The following DFFA variants were observed in gnomAD, a reference collection of about 807,000 sequenced individuals.
DFFA encodes the protein DNA fragmentation factor subunit alpha.
Under a neutral mutation model 28.0 loss-of-function variants are expected in DFFA, and 14 were observed. The observed-to-expected ratio is 0.50, with a 90% CI of 0.33 to 0.78. The LOEUF (loss-of-function observed/expected upper bound fraction) is 0.78. Ranked by LOEUF, DFFA falls within the 30% of genes least tolerant of loss-of-function variation. The probability of loss-of-function intolerance (pLI) is 0.02; values close to 1 mark genes in which losing one functional copy is unlikely to be tolerated. For synonymous variants in DFFA, 158 were observed against 170.3 expected, an observed-to-expected ratio of 0.93 and a Z score of 0.56; for missense variants, 395 against 407.1, an observed-to-expected ratio of 0.97 and a Z score of 0.26.
At chr1:10,462,143 C>A (rs1286000641) in intron 5 of DFFA, among the ~76,000 whole-genome samples, 2 of 152,160 alleles carry the variant, frequency 1.3e-5, no homozygotes, top group Non-Finnish European at 2.9e-5. Flanking sequence ...CAGGCGTGAG[C>A]CACCGCGCCC....
chr1:10,457,887 CTG>C lies in DFFA; in HGVS notation c.*3601_*3602del, dbSNP rs55801511. 133,097 of 151,816 alleles carry C rather than the reference CTG, an allele frequency of 0.88. 58,659 individuals carry two copies. Among genetic ancestry groups the C allele is most frequent in the Middle Eastern group, 0.96 (283 of 294 alleles). 9.4% of individuals were successfully genotyped at this position (151,816 alleles called of 1,614,324 possible). A position where few individuals can be genotyped will look rare whatever the true frequency, so the allele number is the denominator to read the frequency against. On this transcript the variant is annotated 3_prime_UTR_variant, in exon 6 of 6. Transcript: ENST00000377038. The stretch of plus-strand genomic sequence containing the variant: ...ACGCCCAGACGAGTCAACGAACGCT[CTG>C]TGTGTCTAACAGAAATAAAATATTC...
rs755542987 is a variant in DFFA, at chr1:10,472,504, C to T, written c.-46G>A. The T allele has an allele frequency of 1.3e-6, 2 of 1,548,730 alleles. No individual in the cohort carries two copies. Among genetic ancestry groups the T allele is most frequent in the East Asian group, 4.9e-5 (2 of 41,152 alleles). The stretch of plus-strand genomic sequence containing the variant: ...CCCACCTTCGAGAAGTCGCGGGAGG[C>T]CGGAGCGGCGGTCCTTCTACTCGAC... On this transcript the variant is annotated 5_prime_UTR_variant, in exon 1 of 6. Coordinates refer to ENST00000377038, the MANE Select transcript of DFFA (RefSeq NM_004401.3). This position sits in a 1 kb window ranked among gnomAD's most constrained non-coding sequence, Gnocchi z 5.0.
chr1:10,469,425 A>C, intron 1 of DFFA, 87 bp from the exon 2 acceptor site: 1 of 1,204,024 alleles, frequency 8.3e-7, no homozygotes, highest in East Asian at 2.5e-5. Context: ...ATGGCTCCAG[A>C]GCTGAGCAGA....
At chr1:10,463,328 C>G in intron 4 of DFFA, 103 bp downstream of exon 4, 2 of 1,544,430 alleles carry the variant, frequency 1.3e-6, no homozygotes, top group Non-Finnish European at 1.8e-6. Flanking sequence ...TCCCAGCAGC[C>G]GCGGCTTCAG....
chr1:10,467,302 G>A lies in DFFA; in HGVS notation c.329C>T (p.Ser110Phe). 1 of 1,614,100 alleles carries A rather than the reference G, an allele frequency of 6.2e-7. No homozygotes were observed. Among genetic ancestry groups the A allele is most frequent in the Non-Finnish European group, 8.5e-7 (1 of 1,180,018 alleles). Residue 110 changes from serine (S) to phenylalanine (F), a missense_variant, in exon 3 of 6, where the codon TCC (serine) becomes TTC (phenylalanine). Physicochemically the swap from Ser to Phe is radical, Grantham distance 155 (BLOSUM62 -2). Coordinates refer to ENST00000377038, the MANE Select transcript of DFFA (RefSeq NM_004401.3). ...DGGTAWISQE[S>F]FDVDETDSGA... ...GCTGTCTGTTTCATCTACATCAAAG[G>A]ACTCTTGGGAAATCCAAGCTGTACC...
chr1:10,469,095 T>C, intron 2 of DFFA, 82 bp downstream of exon 2: 1 of 1,394,942 alleles, frequency 7.2e-7, no homozygotes, highest in Non-Finnish European at 9.9e-7. Context: ...GCCAGACAAA[T>C]GGCAATTGTC....
chr1:10,472,280 G>A lies in DFFA; in HGVS notation c.136+43C>T. The A allele has an allele frequency of 1.3e-6, 2 of 1,513,648 alleles. No individual in the cohort carries two copies. The highest frequency in any genetic ancestry group is 1.3e-5 in the South Asian group (1 of 79,550). The allele number at this position is 1,513,648 out of a possible 1,614,324, so 93.8% of individuals were successfully genotyped here. ...TCGCCCCCGCCGGACGTCCTCACCC[G>A]GCCCTGGCTCCCCCACACCCTCGCC... On this transcript the variant is annotated intron_variant, in intron 1 of 5. Coordinates refer to ENST00000377038, the MANE Select transcript of DFFA (RefSeq NM_004401.3). This position sits in a 1 kb window ranked among gnomAD's most constrained non-coding sequence, Gnocchi z 5.0.
At chr1:10,463,027 CTG>C in intron 5 of DFFA, 29 bp downstream of exon 5, 1 of 1,613,982 alleles carries the variant, frequency 6.2e-7, no homozygotes, top group Middle Eastern at 1.7e-4. Context: ...ATGTCCTCCT[CTG>C]TAGCTCAGTG....
chr1:10,458,954 G>C lies in DFFA; in HGVS notation c.*2536C>G, dbSNP rs1007479466. The C allele has an allele frequency of 1.3e-5, 2 of 152,122 alleles. No individual in the cohort carries two copies. Among genetic ancestry groups the C allele is most frequent in the African/African-American group, 4.8e-5 (2 of 41,386 alleles). The allele number at this position is 152,122 out of a possible 1,614,324, so 9.4% of individuals were successfully genotyped here. On this transcript the variant is annotated 3_prime_UTR_variant, in exon 6 of 6. Transcript: ENST00000377038. ...CTCCACCTCCACTTCCTGGGTTCAA[G>C]CAATTCTCATGCCTCAGCCTCCCAA...
chr1:10,463,272 C>T (rs888267237), intron 4 of DFFA, 63 bp from the exon 5 acceptor site: 84 of 1,587,934 alleles, frequency 5.3e-5, no homozygotes, highest in Non-Finnish European at 7.0e-5. Flanking sequence ...ATGAACAACT[C>T]GCCAGAATAA....
In DFFA at chr1:10,461,721, C is replaced by T; in HGVS notation, c.784-19G>A. Reference sequence around the variant, plus strand: ...TAACCAACTGCAGCAAGAATAAAAACCCCTGAGAACTGGGCCTTCTGTGCG... The same window carrying T: ...TAACCAACTGCAGCAAGAATAAAAATCCCTGAGAACTGGGCCTTCTGTGCG... On this transcript the variant is annotated intron_variant, in intron 5 of 5. Transcript: ENST00000377038. The T allele has an allele frequency of 6.2e-7, 1 of 1,613,338 alleles. No individual in the cohort carries two copies. Among genetic ancestry groups the T allele is most frequent in the South Asian group, 1.1e-5 (1 of 91,040 alleles).
rs1250072327 is a variant in DFFA, at chr1:10,463,421, A to G, written c.631+10T>C. On this transcript the variant is annotated intron_variant, in intron 4 of 5. Coordinates refer to ENST00000377038, the MANE Select transcript of DFFA (RefSeq NM_004401.3). ...ATTCTCAGAGTGACTCTGCCTGCAG[A>G]GAGTCCTACCTTCCTGCTTTGACAA... 6.2e-7 allele frequency: 1 copy of G among 1,603,652 alleles called. No individual in the cohort carries two copies. Among genetic ancestry groups the G allele is most frequent in the Non-Finnish European group, 8.5e-7 (1 of 1,175,830 alleles).
Position 10,472,413 on chromosome 1 carries a change from G to A in DFFA, c.46C>T (p.Arg16Trp). The change falls in exon 1 of 6, where the codon CGG (arginine) becomes TGG (tryptophan). Residue 16 changes from arginine (R) to tryptophan (W), a missense_variant. Arg to Trp is a moderately radical substitution (Grantham distance 101, BLOSUM62 -3). Coordinates refer to ENST00000377038, the MANE Select transcript of DFFA (RefSeq NM_004401.3). This position sits in a 1 kb window ranked among gnomAD's most constrained non-coding sequence, Gnocchi z 5.0. ...CGCAGCAGACACGGCTTTAGAGTCC[G>A]GATCTCGCCAGATTCTGGTACCCCG... ...DAGVPESGEI[R>W]TLKPCLLRRN... The A allele has an allele frequency of 3.7e-6, 6 of 1,612,176 alleles. No homozygotes were observed. Among genetic ancestry groups the A allele is most frequent in the Non-Finnish European group, 5.1e-6 (6 of 1,179,056 alleles).
At chr1:10,471,269 C>G (rs750425718) in intron 1 of DFFA, among the ~76,000 whole-genome samples, 2 of 151,982 alleles carry the variant, frequency 1.3e-5, no homozygotes, top group Non-Finnish European at 2.9e-5. Flanking sequence ...ACTAACGGGA[C>G]TGGAGTGATC....
In DFFA at chr1:10,463,420, G is replaced by T. The variant is rs1412146877; in HGVS notation, c.631+11C>A. The T allele has an allele frequency of 6.9e-6, 11 of 1,603,142 alleles. No individual in the cohort carries two copies. Among genetic ancestry groups the T allele is most frequent in the Non-Finnish European group, 8.5e-6 (10 of 1,175,600 alleles). ...AATTCTCAGAGTGACTCTGCCTGCA[G>T]AGAGTCCTACCTTCCTGCTTTGACA... is the stretch of plus-strand genomic sequence containing the variant. On this transcript the variant is annotated intron_variant, in intron 4 of 5. Transcript: ENST00000377038.
chr1:10,468,600 C>G (rs1641052444), intron 2 of DFFA, among the ~76,000 whole-genome samples: 2 of 151,918 alleles, frequency 1.3e-5, no homozygotes, highest in East Asian at 3.8e-4. Context: ...ACAAGGTCAC[C>G]TGGTTAGTAA....
intron 2 of DFFA, among the ~76,000 whole-genome samples, chr1:10,467,959 C>A (rs752343880): frequency 6.6e-6 from 1 of 152,116 alleles, no homozygotes; most frequent in African/African-American, 2.4e-5. Flanking sequence ...GTTTTTTATA[C>A]GAAAACGGTC....
chr1:10,465,429 C>A (rs900320209), intron 3 of DFFA, among the ~76,000 whole-genome samples: 1 of 152,104 alleles, frequency 6.6e-6, no homozygotes, highest in Admixed American at 6.6e-5. Context: ...CCACGCCTGG[C>A]TAATTTTTAT....
chr1:10,471,330 CA>C (rs1641095830), intron 1 of DFFA, among the ~76,000 whole-genome samples: 1 of 152,120 alleles, frequency 6.6e-6, no homozygotes. Context: ...GTCTACCACC[CA>C]ATAGAACAGC....
Sources: gnomAD v4.1 joint callset for allele counts (sites outside exome capture counted in the v4.1 genomes callset) on GRCh38, gnomAD v4.1.1 for gene constraint, Gnocchi (gnomAD v3.1) non-coding constraint, MANE v1.5 for transcripts, NCBI Gene and HGNC (gene_info 2026-07-23, HGNC 2026-07-21) for gene names.